Variants in CDC42SE2 observed in about 807,000 individuals in gnomAD.
CDC42SE2 encodes the protein CDC42 small effector protein 2.
In CDC42SE2, 3 loss-of-function variants were observed where a neutral mutation model predicts 11.5. The observed-to-expected ratio is 0.26, with a 90% CI of 0.12 to 0.67. The LOEUF is 0.67. Among genes scored for constraint, CDC42SE2 ranks in the 30% least tolerant of loss-of-function variants. CDC42SE2 has a pLI of 0.80. For missense variants in CDC42SE2, 82 were observed against 106.8 expected (o/e 0.77, Z 1.02); for synonymous variants, 33 against 34.8 (o/e 0.95, Z 0.18).
chr5:131,253,390 T>C (rs1479408499), intron 1 of CDC42SE2, among the ~76,000 whole-genome samples: 1 of 152,196 alleles, frequency 6.6e-6, no homozygotes, highest in Admixed American at 6.5e-5. Flanking sequence ...TACTACCTAC[T>C]ATAGCCACTC....
chr5:131,347,176 A>G (rs991889254), intron 2 of CDC42SE2, among the ~76,000 whole-genome samples: 1 of 152,184 alleles, frequency 6.6e-6, no homozygotes, highest in African/African-American at 2.4e-5. Flanking sequence ...ATAGAGACAC[A>G]AAAAAGCCTT....
chr5:131,280,692 AT>A (rs1757220660), intron 1 of CDC42SE2, among the ~76,000 whole-genome samples: 1 of 152,176 alleles, frequency 6.6e-6, no homozygotes, highest in Admixed American at 6.5e-5. Flanking sequence ...CAGCAGAATT[AT>A]TTTAATAATA....
chr5:131,288,404 A>G (rs1209939366), intron 1 of CDC42SE2, among the ~76,000 whole-genome samples: 1 of 152,192 alleles, frequency 6.6e-6, no homozygotes, highest in African/African-American at 2.4e-5. Flanking sequence ...CTACCTCCCA[A>G]GTTTCATGAA....
At chr5:131,285,479 A>G (rs1461980343) in intron 1 of CDC42SE2, among the ~76,000 whole-genome samples, 1 of 152,226 alleles carries the variant, frequency 6.6e-6, no homozygotes, top group East Asian at 1.9e-4. Flanking sequence ...AATTTTTCAC[A>G]TGGACCTAAG....
intron 3 of CDC42SE2, among the ~76,000 whole-genome samples, chr5:131,371,055 A>G (rs1041777224): frequency 1.3e-5 from 2 of 152,192 alleles, no homozygotes; most frequent in African/African-American, 2.4e-5. Context: ...GCTGATATGT[A>G]TCTGTGACTA....
chr5:131,385,991 T>TTAA (rs1561438373), intron 4 of CDC42SE2, among the ~76,000 whole-genome samples: 1 of 152,226 alleles, frequency 6.6e-6, no homozygotes, highest in Non-Finnish European at 1.5e-5. Context: ...ATCAGCCTTT[T>TTAA]TAATAATAAT....
chr5:131,274,126 C>T (rs1231669369), intron 1 of CDC42SE2, among the ~76,000 whole-genome samples: 3 of 152,124 alleles, frequency 2.0e-5, no homozygotes, highest in Admixed American at 6.5e-5. Context: ...TGTTTCCTAC[C>T]TCCAGACTTC....
chr5:131,342,297 T>C (rs1042014774), intron 2 of CDC42SE2, among the ~76,000 whole-genome samples: 1 of 134,114 alleles, frequency 7.5e-6, no homozygotes, highest in African/African-American at 2.9e-5. Flanking sequence ...AAAAAAAAGG[T>C]AAATACCAGA....
intron 1 of CDC42SE2, among the ~76,000 whole-genome samples, chr5:131,288,215 C>A (rs1757381274): frequency 6.6e-6 from 1 of 150,662 alleles, no homozygotes; most frequent in Non-Finnish European, 1.5e-5. Flanking sequence ...CAGAGGGAGA[C>A]CCTGCCTCAA....
chr5:131,235,565 G>A, the CDC42SE2 span, among the ~76,000 whole-genome samples: 1 of 151,620 alleles, frequency 6.6e-6, no homozygotes, highest in East Asian at 1.9e-4. Flanking sequence ...TGGGATTACA[G>A]GTGTGAGCCA....
At chr5:131,280,900 G>T (rs141455634) in intron 1 of CDC42SE2, among the ~76,000 whole-genome samples, 2 of 151,976 alleles carry the variant, frequency 1.3e-5, no homozygotes, top group African/African-American at 4.8e-5. Context: ...AATAGTTCTT[G>T]GAAAAATTTT....
At chr5:131,292,906 CAAAAAAAAAAAAAAAAAA>C (rs869300653) in intron 1 of CDC42SE2, among the ~76,000 whole-genome samples, 1 of 58,914 alleles carries the variant, frequency 1.7e-5, no homozygotes, top group Non-Finnish European at 2.7e-5. Context: ...GACCCTGTCT[CAAAAAAAAAAAAAAAAAA>C]AAAAAAAAAA....
At chr5:131,285,894 C>T (rs1331720926) in intron 1 of CDC42SE2, among the ~76,000 whole-genome samples, 11 of 152,088 alleles carry the variant, frequency 7.2e-5, no homozygotes, top group Non-Finnish European at 1.5e-4. Context: ...GTTTCTAAAC[C>T]TTCTTTGTGT....
At chr5:131,276,372 C>A (rs1471660022) in intron 1 of CDC42SE2, among the ~76,000 whole-genome samples, 1 of 150,934 alleles carries the variant, frequency 6.6e-6, no homozygotes, top group Non-Finnish European at 1.5e-5. Flanking sequence ...TTGCTTGAGC[C>A]TAGAAGGTTG....
intron 1 of CDC42SE2, among the ~76,000 whole-genome samples, chr5:131,283,334 A>G (rs1355793962): frequency 6.6e-6 from 1 of 151,944 alleles, no homozygotes; most frequent in Non-Finnish European, 1.5e-5. Context: ...TTCCCTCCCC[A>G]CATCCTCTGA....
rs562220373 is a variant in CDC42SE2 at position 131,351,404 on chromosome 5, G to A, written c.-285-7805G>A. 6.2e-4 allele frequency among the ~76,000 whole-genome samples: 94 copies of A among 152,260 alleles called. 1 individual carries two copies. The highest frequency in any genetic ancestry group is 1.1e-3 in the Non-Finnish European group (78 of 68,012). The stretch of plus-strand genomic sequence containing the variant: ...GGAGTAGCTGGGACTACAGGTGCCT[G>A]CCACCACGCCCAGCAAATTTTTTGT... On this transcript the variant is annotated intron_variant, in intron 2 of 4. Coordinates refer to ENST00000505065, the MANE Select transcript of CDC42SE2 (RefSeq NM_001375635.1).
At position 131,379,672 on chromosome 5, in the gene CDC42SE2, T is replaced by C. The variant is rs751572506; in HGVS notation, c.55-5871T>C. On this transcript the variant is annotated intron_variant, in intron 3 of 4. Coordinates refer to ENST00000505065, the MANE Select transcript of CDC42SE2 (RefSeq NM_001375635.1). ...GCCTAATGTCCCCTCCACACTAACA[T>C]AGCAGTTCATTTGGGTCTCTAGTCC... 6.6e-5 allele frequency among the ~76,000 whole-genome samples: 10 copies of C among 152,204 alleles called. 1 individual carries two copies. Among genetic ancestry groups the C allele is most frequent in the South Asian group, 4.1e-4 (2 of 4,828 alleles).
At chr5:131,321,828 A>G (rs114526243) in intron 2 of CDC42SE2, among the ~76,000 whole-genome samples, 53 of 152,162 alleles carry the variant, frequency 3.5e-4, no homozygotes, top group East Asian at 2.7e-3. Flanking sequence ...GTCACCCCCA[A>G]TCTACATTAG....
In CDC42SE2 at chr5:131,370,881, T is replaced by C. The variant is rs1749997408; in HGVS notation, c.54+11334T>C. Reference sequence around the variant, plus strand: ...GAATGAAGAGGATTAAGCCTTTGTCTGTCTAGAGTTAGTGAGGATTGGGTT... The same window carrying C: ...GAATGAAGAGGATTAAGCCTTTGTCCGTCTAGAGTTAGTGAGGATTGGGTT... On this transcript the variant is annotated intron_variant, in intron 3 of 4. Coordinates refer to ENST00000505065, the MANE Select transcript of CDC42SE2 (RefSeq NM_001375635.1). Among the ~76,000 whole-genome samples, 3 of 150,120 alleles carry C rather than the reference T, an allele frequency of 2.0e-5. No individual in the cohort carries two copies. The South Asian group carries it at 6.3e-4, about 32-fold the overall frequency.
Sources: allele counts gnomAD v4.1 joint callset (sites outside exome capture counted in the v4.1 genomes callset), GRCh38; gene constraint gnomAD v4.1.1; transcripts MANE v1.5; gene names NCBI Gene and HGNC (gene_info 2026-07-23, HGNC 2026-07-21).